The following FAM76A variants were observed in gnomAD, a reference collection of about 807,000 sequenced individuals.
FAM76A encodes the protein family with sequence similarity 76 member A.
In FAM76A, 32 loss-of-function variants were observed where a neutral mutation model predicts 46.2. The observed-to-expected ratio is 0.69, with a 90% CI of 0.52 to 0.93. The LOEUF is 0.93. Ranked by LOEUF, FAM76A falls within the 40% of genes least tolerant of loss-of-function variation. The pLI is 0.00. For missense variants in FAM76A, 274 were observed against 361.5 expected (o/e 0.76, Z 1.96); for synonymous variants, 137 against 127.0 (o/e 1.08, Z -0.53).
At chr1:27,749,029 G>A (rs1260142115) in intron 5 of FAM76A, 39 bp from the exon 6 acceptor site, 1 of 1,357,280 alleles carries the variant, frequency 7.4e-7, no homozygotes, top group Non-Finnish European at 1.0e-6. Flanking sequence ...GTTAATCTTT[G>A]ATTTCTAATG....
chr1:27,753,581 T>A (rs2088364007), intron 6 of FAM76A, among the ~76,000 whole-genome samples: 1 of 152,234 alleles, frequency 6.6e-6, no homozygotes, highest in African/African-American at 2.4e-5. Context: ...AGAGCATTGA[T>A]TCATTCTTCC....
At chr1:27,739,487 T>TA (rs36060619) in intron 4 of FAM76A, 938 of 392,708 alleles carry the variant, frequency 2.4e-3, no homozygotes, top group South Asian at 3.3e-3. Flanking sequence ...TGTTCTAGTA[T>TA]AAAAAAAAAC....
At chr1:27,738,716 A>G (rs1384494192) in intron 4 of FAM76A, among the ~76,000 whole-genome samples, 1 of 152,162 alleles carries the variant, frequency 6.6e-6, no homozygotes, top group Non-Finnish European at 1.5e-5. Context: ...GAAAGAGAAA[A>G]GGGTGAGGAG....
intron 5 of FAM76A, among the ~76,000 whole-genome samples, chr1:27,746,030 C>G (rs565710116): frequency 1.6e-4 from 24 of 151,998 alleles, no homozygotes; most frequent in Non-Finnish European, 2.8e-4. Context: ...AAAAATTAAC[C>G]CTGACTACTA....
chr1:27,738,010 A>G (rs760511755), intron 4 of FAM76A, among the ~76,000 whole-genome samples: 1 of 151,818 alleles, frequency 6.6e-6, no homozygotes, highest in Non-Finnish European at 1.5e-5. Context: ...CTGTAATTAT[A>G]CCACTGCACT....
At chr1:27,730,290 G>T (rs756171591) in intron 2 of FAM76A, 2 of 166,276 alleles carry the variant, frequency 1.2e-5, no homozygotes, top group South Asian at 2.5e-4. Context: ...AGGTTCAAGC[G>T]ATTCTCCTGC....
intron 4 of FAM76A, chr1:27,739,986 C>T (rs1429262263): frequency 3.2e-6 from 1 of 307,944 alleles, no homozygotes; most frequent in African/African-American, 2.2e-5. Context: ...GCTCGCCCAT[C>T]CTCAACAGCA....
chr1:27,759,075 T>C (rs1320286719), intron 7 of FAM76A, among the ~76,000 whole-genome samples: 1 of 152,104 alleles, frequency 6.6e-6, no homozygotes, highest in Admixed American at 6.6e-5. Flanking sequence ...AGAATTTCCT[T>C]GAAGAGCAGT....
intron 5 of FAM76A, 49 bp from the exon 6 acceptor site, chr1:27,749,019 G>C: frequency 7.9e-7 from 1 of 1,265,098 alleles, no homozygotes; most frequent in Non-Finnish European, 1.1e-6. Flanking sequence ...GTGATGTTTT[G>C]TTAATCTTTG....
At chr1:27,748,721 T>G (rs369174249) in intron 5 of FAM76A, among the ~76,000 whole-genome samples, 15 of 151,916 alleles carry the variant, frequency 9.9e-5, no homozygotes, top group African/African-American at 3.4e-4. Flanking sequence ...GACCTCGTGA[T>G]CCGCCTGCCT....
At chr1:27,755,838 G>A (rs1385226297) in intron 7 of FAM76A, among the ~76,000 whole-genome samples, 1 of 152,144 alleles carries the variant, frequency 6.6e-6, no homozygotes, top group Non-Finnish European at 1.5e-5. Flanking sequence ...GCCTCCCAAA[G>A]TGCTAGGATT....
chr1:27,749,626 G>T (rs2088301110), intron 6 of FAM76A, among the ~76,000 whole-genome samples: 1 of 152,044 alleles, frequency 6.6e-6, no homozygotes, highest in South Asian at 2.1e-4. Context: ...AAAGTGCGGG[G>T]ATTACAGGCA....
intron 5 of FAM76A, among the ~76,000 whole-genome samples, chr1:27,748,373 C>G (rs553175126): frequency 2.0e-5 from 3 of 151,456 alleles, no homozygotes; most frequent in African/African-American, 7.3e-5. Flanking sequence ...ATCCATCCAC[C>G]TCGGCCTCCC....
At position 27,745,437 on chromosome 1, in the gene FAM76A, A is replaced by G. The variant is rs1315156456; in HGVS notation, c.512+626A>G. On this transcript the variant is annotated intron_variant, in intron 5 of 8. Transcript: ENST00000373954. ...ATAACTGGCATATAGAAAATATTCAATACATTTCAGGTTTTTTTGTTTGTT... is the reference window on the plus strand; with the variant it reads ...ATAACTGGCATATAGAAAATATTCAGTACATTTCAGGTTTTTTTGTTTGTT... Among the ~76,000 whole-genome samples, 6 of 152,298 alleles carry G rather than the reference A, an allele frequency of 3.9e-5. No individual in the cohort carries two copies. The East Asian group carries it at 7.7e-4, about 20-fold the overall frequency.
intron 4 of FAM76A, among the ~76,000 whole-genome samples, chr1:27,743,313 G>A (rs569632665): frequency 6.6e-6 from 1 of 152,130 alleles, no homozygotes; most frequent in African/African-American, 2.4e-5. Context: ...ACCACACCTG[G>A]CTAATTTTTG....
At chr1:27,727,772 T>C (rs970173184) in intron 2 of FAM76A, among the ~76,000 whole-genome samples, 1 of 151,938 alleles carries the variant, frequency 6.6e-6, no homozygotes. Context: ...ATGTATTGTT[T>C]CCTAGTTATT....
intron 5 of FAM76A, among the ~76,000 whole-genome samples, chr1:27,747,138 T>C (rs2088253744): frequency 6.6e-6 from 1 of 152,290 alleles, no homozygotes; most frequent in East Asian, 1.9e-4. Flanking sequence ...TTTAATTCAG[T>C]AGGACCTAGG....
chr1:27,744,896 A>G (rs2088216722), intron 5 of FAM76A, 85 bp downstream of exon 5: 1 of 1,313,546 alleles, frequency 7.6e-7, no homozygotes, highest in African/African-American at 1.5e-5. Flanking sequence ...ACATACTACC[A>G]TCTCATATAC....
At chr1:27,735,703 C>CTGAA (rs2088032685) in intron 4 of FAM76A, among the ~76,000 whole-genome samples, 1 of 152,190 alleles carries the variant, frequency 6.6e-6, no homozygotes, top group African/African-American at 2.4e-5. Context: ...CTGGGGCTAG[C>CTGAA]TGAATGACCC....
Sources: gnomAD v4.1 joint callset for allele counts (sites outside exome capture counted in the v4.1 genomes callset) on GRCh38, gnomAD v4.1.1 for gene constraint, MANE v1.5 for transcripts, NCBI Gene and HGNC (gene_info 2026-07-23, HGNC 2026-07-21) for gene names.